ALDH1B1: variants seen among roughly 807,000 people sequenced by gnomAD.
The protein encoded by ALDH1B1 is aldehyde dehydrogenase 1 family member B1, also known as aldehyde dehydrogenase family 1 member B1, mitochondrial.
Under a neutral mutation model 26.2 loss-of-function variants are expected in ALDH1B1, and 19 were observed. That is an observed-to-expected ratio of 0.72 (90% confidence interval 0.51 to 1.06). The LOEUF is 1.06. Ranked by LOEUF, ALDH1B1 falls within the 50% of genes least tolerant of loss-of-function variation. ALDH1B1 has a pLI of 0.00. For synonymous variants in ALDH1B1, 249 were observed against 286.0 expected (o/e 0.87, Z 1.31); for missense variants, 671 against 683.1 (o/e 0.98, Z 0.20).
In ALDH1B1 at chr9:38,395,757, C is replaced by A; in HGVS notation, c.9C>A (p.Arg3=). Residue 3 remains arginine (R), a synonymous_variant, in exon 2 of 2, where the codon CGC becomes CGA. Coordinates refer to ENST00000377698, the MANE Select transcript of ALDH1B1 (RefSeq NM_000692.5). ML[R]FLAPRLLSLQ... ...CTCTCCAGAGTGTCAGCATGCTGCG[C>A]TTCCTGGCACCCCGGCTGCTTAGCC... The A allele has an allele frequency of 1.3e-6, 2 of 1,591,824 alleles. No homozygotes were observed. The highest frequency in any genetic ancestry group is 1.7e-6 in the Non-Finnish European group (2 of 1,167,188).
chr9:38,393,380 G>A (rs1472540780), intron 1 of ALDH1B1, among the ~76,000 whole-genome samples: 1 of 152,214 alleles, frequency 6.6e-6, no homozygotes, highest in Non-Finnish European at 1.5e-5. Context: ...ACTGCAGAGA[G>A]GCTTGGCAAA....
In ALDH1B1 at chr9:38,397,361, T is replaced by G. The variant is rs977694011; in HGVS notation, c.*59T>G. ...GCAATTCCACAACCACCTTGACGAATGCTTGCCAAGCTGTTTTAAAGCCAA... is the reference window on the plus strand; with the variant it reads ...GCAATTCCACAACCACCTTGACGAAGGCTTGCCAAGCTGTTTTAAAGCCAA... On this transcript the variant is annotated 3_prime_UTR_variant, in exon 2 of 2. Coordinates refer to ENST00000377698, the MANE Select transcript of ALDH1B1 (RefSeq NM_000692.5). The G allele has an allele frequency of 3.0e-5, 45 of 1,512,396 alleles. No individual in the cohort carries two copies. The highest frequency in any genetic ancestry group is 4.0e-5 in the Non-Finnish European group (45 of 1,129,896). The allele number at this position is 1,512,396 out of a possible 1,614,324, so 93.7% of individuals were successfully genotyped here. A position where few individuals can be genotyped will look rare whatever the true frequency, so the allele number is the denominator to read the frequency against.
At chr9:38,395,629 G>GCT (rs1821262869) in intron 1 of ALDH1B1, 111 bp from the exon 2 acceptor site, 5 of 1,414,024 alleles carry the variant, frequency 3.5e-6, no homozygotes. Context: ...TGTTTTTAGA[G>GCT]GTGACAGTCC....
rs1821268129 is a variant in ALDH1B1, at chr9:38,395,855, A to G, written c.107A>G (p.Tyr36Cys). Residue 36 changes from tyrosine (Y) to cysteine (C), a missense_variant, in exon 2 of 2, where the codon TAC (tyrosine) becomes TGC (cysteine). By Grantham distance (194) the Tyr-to-Cys change is radical. Coordinates refer to ENST00000377698, the MANE Select transcript of ALDH1B1 (RefSeq NM_000692.5). ...PSPILNPDIP[Y>C]NQLFINNEWQ... ...CCCATTCTGAACCCAGACATCCCCT[A>G]CAACCAGCTGTTCATCAACAATGAA... 1.2e-5 allele frequency: 20 copies of G among 1,613,520 alleles called. No homozygotes were observed. Among genetic ancestry groups the G allele is most frequent in the Non-Finnish European group, 1.6e-5 (19 of 1,180,012 alleles).
At position 38,397,495 on chromosome 9, in the gene ALDH1B1, T is replaced by A. The variant is rs1821318111; in HGVS notation, c.*193T>A. The A allele has an allele frequency of 3.6e-6, 3 of 834,974 alleles. No homozygotes were observed. The South Asian group carries it at 6.4e-5, about 18-fold the overall frequency. The allele number at this position is 834,974 out of a possible 1,614,324, so 51.7% of individuals were successfully genotyped here. A position where few individuals can be genotyped will look rare whatever the true frequency, so the allele number is the denominator to read the frequency against. On this transcript the variant is annotated 3_prime_UTR_variant, in exon 2 of 2. Transcript: ENST00000377698. ...CAGAGATGGGGACCAGGCTCAGAGTTCTACCTATCTAACCCCCAACCACAG... is the reference window on the plus strand; with the variant it reads ...CAGAGATGGGGACCAGGCTCAGAGTACTACCTATCTAACCCCCAACCACAG...
At chr9:38,393,123 C>G (rs1821220810) in intron 1 of ALDH1B1, among the ~76,000 whole-genome samples, 1 of 152,228 alleles carries the variant, frequency 6.6e-6, no homozygotes, top group Middle Eastern at 3.2e-3. Context: ...TGCGCCCTTT[C>G]CCCCGCAGAA....
At position 38,396,057 on chromosome 9, in the gene ALDH1B1, G is replaced by T. The variant is rs1338082619; in HGVS notation, c.309G>T (p.Arg103=). 1.9e-6 allele frequency: 3 copies of T among 1,614,044 alleles called. No individual in the cohort carries two copies. Among genetic ancestry groups the T allele is most frequent in the Non-Finnish European group, 2.5e-6 (3 of 1,179,990 alleles). ...WRRMDASERG[R]LLNRLADLVE... is the part of the protein sequence containing the mutation. ...GGATGGATGCCTCTGAGCGGGGCCGGCTGCTGAACCGCCTGGCAGACCTAG... is the reference window on the plus strand; with the variant it reads ...GGATGGATGCCTCTGAGCGGGGCCGTCTGCTGAACCGCCTGGCAGACCTAG... The change falls in exon 2 of 2, where the codon CGG becomes CGT. Residue 103 remains arginine (R), a synonymous_variant. Coordinates refer to ENST00000377698, the MANE Select transcript of ALDH1B1 (RefSeq NM_000692.5).
intron 1 of ALDH1B1, among the ~76,000 whole-genome samples, chr9:38,393,126 C>T (rs936126186): frequency 6.6e-6 from 1 of 152,236 alleles, no homozygotes; most frequent in African/African-American, 2.4e-5. Context: ...GCCCTTTCCC[C>T]CGCAGAAGGG....
In ALDH1B1 at chr9:38,396,296, T is replaced by G; in HGVS notation, c.548T>G (p.Ile183Ser). 1 of 1,614,100 alleles carries G rather than the reference T, an allele frequency of 6.2e-7. No individual in the cohort carries two copies. Among genetic ancestry groups the G allele is most frequent in the South Asian group, 1.1e-5 (1 of 91,078 alleles). The change falls in exon 2 of 2, where the codon ATC (isoleucine) becomes AGC (serine). Residue 183 changes from isoleucine (I) to serine (S), a missense_variant. By Grantham distance (142) the Ile-to-Ser change is moderately radical (BLOSUM62 -2). Transcript: ENST00000377698. Reference protein sequence around the residue: ...HEPVGVCGQIIPWNFPLVMQG... With the variant: ...HEPVGVCGQISPWNFPLVMQG... ...CCCGTTGGTGTCTGTGGCCAGATCA[T>G]CCCGTGGAACTTCCCCTTGGTCATG...
rs774475284 is a variant in ALDH1B1, at chr9:38,395,732, C to T, written c.-9-8C>T. ...CTGTTCACCCTGGTTTCTTTTGTCC[C>T]TCTCCAGAGTGTCAGCATGCTGCGC... On this transcript the variant is annotated splice_polypyrimidine_tract_variant and splice_region_variant and intron_variant, in intron 1 of 1. Coordinates refer to ENST00000377698, the MANE Select transcript of ALDH1B1 (RefSeq NM_000692.5). 2.9e-5 allele frequency: 45 copies of T among 1,562,096 alleles called. No individual in the cohort carries two copies. The highest frequency in any genetic ancestry group is 3.6e-5 in the Non-Finnish European group (42 of 1,153,062).
At position 38,396,263 on chromosome 9, in the gene ALDH1B1, G is replaced by A. The variant is rs781601359; in HGVS notation, c.515G>A (p.Arg172Gln). 13 of 1,614,034 alleles carry A rather than the reference G, an allele frequency of 8.1e-6. No individual in the cohort carries two copies. Among genetic ancestry groups the A allele is most frequent in the African/African-American group, 6.7e-5 (5 of 74,926 alleles). The change falls in exon 2 of 2, where the codon CGG becomes CAG. Residue 172 changes from arginine (R) to glutamine (Q), a missense_variant. Arg to Gln is a conservative substitution (Grantham distance 43, BLOSUM62 1). Coordinates refer to ENST00000377698, the MANE Select transcript of ALDH1B1 (RefSeq NM_000692.5). ...GATGGCCAGCATTTCTGCTTCACCC[G>A]GCATGAGCCCGTTGGTGTCTGTGGC... ...PMDGQHFCFT[R>Q]HEPVGVCGQI...
chr9:38,394,482 C>T lies in ALDH1B1; in HGVS notation c.-9-1258C>T, dbSNP rs546610699. On this transcript the variant is annotated intron_variant, in intron 1 of 1. Coordinates refer to ENST00000377698, the MANE Select transcript of ALDH1B1 (RefSeq NM_000692.5). Reference sequence around the variant, plus strand: ...TTATTTTTGTTTTTTTGTAGAGACACGGTTCTTGCTATGTGCTCAGGCTGG... The same window carrying T: ...TTATTTTTGTTTTTTTGTAGAGACATGGTTCTTGCTATGTGCTCAGGCTGG... The T allele has an allele frequency of 1.7e-4, 88 of 532,670 alleles. No individual in the cohort carries two copies. The South Asian group carries it at 1.9e-3, about 11-fold the overall frequency. 33.0% of individuals were successfully genotyped at this position (532,670 alleles called of 1,614,324 possible).
Position 38,396,598 on chromosome 9 carries a change from C to T in ALDH1B1, c.850C>T (p.Leu284=). Residue 284 remains leucine, a synonymous_variant, in exon 2 of 2, where the codon CTG becomes TTG. Coordinates refer to ENST00000377698, the MANE Select transcript of ALDH1B1 (RefSeq NM_000692.5). ...CGATTCCAACCTCAAGAGAGTCACC[C>T]TGGAGCTGGGTGGTAAGAGCCCCAG... ...AGDSNLKRVT[L]ELGGKSPSIV... 6.2e-7 allele frequency: 1 copy of T among 1,614,034 alleles called. No individual in the cohort carries two copies. The highest frequency in any genetic ancestry group is 8.5e-7 in the Non-Finnish European group (1 of 1,179,998).
rs534092038 is a variant in ALDH1B1 at position 38,396,603 on chromosome 9, G to A, written c.855G>A (p.Glu285=). Residue 285 remains glutamate (E), a synonymous_variant, in exon 2 of 2, where the codon GAG becomes GAA. Transcript: ENST00000377698. ...CCAACCTCAAGAGAGTCACCCTGGA[G>A]CTGGGTGGTAAGAGCCCCAGCATCG... ...GDSNLKRVTL[E]LGGKSPSIVL... The A allele has an allele frequency of 1.4e-5, 23 of 1,614,076 alleles. No homozygotes were observed. Among genetic ancestry groups the A allele is most frequent in the Non-Finnish European group, 1.9e-5 (23 of 1,180,008 alleles).
Position 38,396,966 on chromosome 9 carries a change from G to A in ALDH1B1, c.1218G>A (p.Val406=). The A allele has an allele frequency of 2.5e-6, 4 of 1,614,210 alleles. No individual in the cohort carries two copies. Among genetic ancestry groups the A allele is most frequent in the Non-Finnish European group, 3.4e-6 (4 of 1,180,034 alleles). Residue 406 remains valine (V), a synonymous_variant, in exon 2 of 2, where the codon GTG becomes GTA. Coordinates refer to ENST00000377698, the MANE Select transcript of ALDH1B1 (RefSeq NM_000692.5). ...FFIKPTVFGG[V]QDDMRIAKEE... ...TCAAGCCTACTGTCTTTGGTGGCGT[G>A]CAGGATGACATGAGAATTGCCAAAG...
Position 38,398,314 on chromosome 9 carries a change from CTTTTTT to C in ALDH1B1, c.*1025_*1030del, listed in dbSNP as rs544033194. 6 of 135,226 alleles carry C rather than the reference CTTTTTT, an allele frequency of 4.4e-5. No homozygotes were observed. Among genetic ancestry groups the C allele is most frequent in the Non-Finnish European group, 3.3e-5 (2 of 61,452 alleles). The allele number at this position is 135,226 out of a possible 1,614,324, so 8.4% of individuals were successfully genotyped here. On this transcript the variant is annotated 3_prime_UTR_variant, in exon 2 of 2. Coordinates refer to ENST00000377698, the MANE Select transcript of ALDH1B1 (RefSeq NM_000692.5). ...TATGAATTAATTTCTTTCTTTTTTT[CTTTTTT>C]TTTTTTTTTTTTGACACGGAGTCTC... is the stretch of plus-strand genomic sequence containing the variant.
intron 1 of ALDH1B1, 46 bp from the exon 2 acceptor site, chr9:38,395,694 T>C: frequency 2.0e-6 from 3 of 1,520,596 alleles, no homozygotes; most frequent in Non-Finnish European, 2.6e-6. Flanking sequence ...TACCGCCACC[T>C]GCCTTCTCCC....
chr9:38,392,799 C>T lies in ALDH1B1; in HGVS notation c.-18C>T, dbSNP rs1030093414. ...CGTGATCCTGAACCGGAGCCCGAGC[C>T]TGCTGCAGGTAACTAACGCTGGTCT... On this transcript the variant is annotated 5_prime_UTR_variant, in exon 1 of 2. Coordinates refer to ENST00000377698, the MANE Select transcript of ALDH1B1 (RefSeq NM_000692.5). 26 of 985,560 alleles carry T rather than the reference C, an allele frequency of 2.6e-5. No homozygotes were observed. In the African/African-American group the frequency reaches 4.5e-4, roughly 17 times the overall value. The allele number at this position is 985,560 out of a possible 1,614,324, so 61.1% of individuals were successfully genotyped here.
rs145597002 is a variant in ALDH1B1, at chr9:38,395,998, C to G, written c.250C>G (p.Arg84Gly). The G allele has an allele frequency of 6.2e-7, 1 of 1,613,730 alleles. No homozygotes were observed. Among genetic ancestry groups the G allele is most frequent in the Non-Finnish European group, 8.5e-7 (1 of 1,180,014 alleles). Residue 84 changes from arginine to glycine, a missense_variant, in exon 2 of 2, where the codon CGG becomes GGG. Coordinates refer to ENST00000377698, the MANE Select transcript of ALDH1B1 (RefSeq NM_000692.5). Reference protein sequence around the residue: ...ADVDRAVKAAREAFRLGSPWR... With the variant: ...ADVDRAVKAAGEAFRLGSPWR... ...TGTGGATCGGGCCGTGAAAGCAGCC[C>G]GGGAAGCCTTCCGCCTGGGGTCCCC... is the stretch of plus-strand genomic sequence containing the variant.
Sources: allele counts gnomAD v4.1 joint callset (sites outside exome capture counted in the v4.1 genomes callset), GRCh38; gene constraint gnomAD v4.1.1; transcripts MANE v1.5; gene names NCBI Gene and HGNC (gene_info 2026-07-23, HGNC 2026-07-21).